The following ARHGAP44 variants were observed in gnomAD, a reference collection of about 807,000 sequenced individuals.
ARHGAP44 encodes the protein rho GTPase-activating protein 44.
Under a neutral mutation model 106.8 loss-of-function variants are expected in ARHGAP44, and 43 were observed. The observed-to-expected ratio is 0.40, with a 90% CI of 0.32 to 0.52. The LOEUF (loss-of-function observed/expected upper bound fraction) is 0.52. Among genes scored for constraint, ARHGAP44 ranks in the 20% least tolerant of loss-of-function variants. The probability of loss-of-function intolerance (pLI) is 0.48; values close to 1 mark genes in which losing one functional copy is unlikely to be tolerated. For synonymous variants in ARHGAP44, 439 were observed against 410.3 expected, an observed-to-expected ratio of 1.07 and a Z score of -0.85; for missense variants, 866 against 1,050.5, an observed-to-expected ratio of 0.82 and a Z score of 2.43.
In ARHGAP44 at chr17:12,882,159, A is replaced by G. The variant is rs144021071; in HGVS notation, c.54-12781A>G. Among the ~76,000 whole-genome samples the G allele has an allele frequency of 3.8e-3, 584 of 152,250 alleles. 3 individuals are homozygous for G. The highest frequency in any genetic ancestry group is 0.013 in the African/African-American group (537 of 41,542). ...TGTATCTCTCCATTTACCTGACTTC[A>G]TTCATGTCTTTTACTAATTTTTAAA... On this transcript the variant is annotated intron_variant, in intron 1 of 20. Transcript: ENST00000379672.
intron 7 of ARHGAP44, among the ~76,000 whole-genome samples, chr17:12,930,390 C>G (rs551614428): frequency 2.2e-4 from 34 of 152,020 alleles, no homozygotes; most frequent in Non-Finnish European, 3.4e-4. Context: ...CACACAACCA[C>G]GCTTGGCTAA....
At chr17:12,813,331 G>GCAAATCAAAAGTAAAAATAAGGAGA (rs2034494798) in intron 1 of ARHGAP44, among the ~76,000 whole-genome samples, 1 of 151,066 alleles carries the variant, frequency 6.6e-6, no homozygotes, top group Non-Finnish European at 1.5e-5. Context: ...AAGATAAAGA[G>GCAAATCAAAAGTAAAAATAAGGAGA]CAAATCAAAA....
At position 12,990,727 on chromosome 17, in the gene ARHGAP44, A is replaced by T. The variant is rs2040110636; in HGVS notation, c.*556A>T. 1 of 152,420 alleles carries T rather than the reference A, an allele frequency of 6.6e-6. No individual in the cohort carries two copies. Among genetic ancestry groups the T allele is most frequent in the African/African-American group, 2.4e-5 (1 of 41,438 alleles). The allele number at this position is 152,420 out of a possible 1,614,324, so 9.4% of individuals were successfully genotyped here. A position where few individuals can be genotyped will look rare whatever the true frequency, so the allele number is the denominator to read the frequency against. ...CCTGGGGGAGGGCTTGCCACTGGAA[A>T]ACCTTTCAGGCCGCCCCCATCAGTG... On this transcript the variant is annotated 3_prime_UTR_variant, in exon 21 of 21. Coordinates refer to ENST00000379672, the MANE Select transcript of ARHGAP44 (RefSeq NM_014859.6).
At position 12,903,138 on chromosome 17, in the gene ARHGAP44, AGAGTGTGTGTGTGTGTGTGT is replaced by A. The variant is rs2037441509; in HGVS notation, c.199-5757_199-5738del. Among the ~76,000 whole-genome samples, 79 of 94,716 alleles carry A rather than the reference AGAGTGTGTGTGTGTGTGTGT, an allele frequency of 8.3e-4. 1 individual carries two copies. The highest frequency in any genetic ancestry group is 2.9e-3 in the African/African-American group (74 of 25,240). The allele number at this position is 94,716 out of a possible 152,430, so 62.1% of individuals were successfully genotyped here. On this transcript the variant is annotated intron_variant, in intron 3 of 20. Coordinates refer to ENST00000379672, the MANE Select transcript of ARHGAP44 (RefSeq NM_014859.6). The stretch of plus-strand genomic sequence containing the variant: ...AGAGAGAGAGAGAGGAGAGAGAGAG[AGAGTGTGTGTGTGTGTGTGT>A]GTGTGTGTGTGTGTGTGTGTGTGTG...
chr17:12,821,256 GTTGTCTTCAGGTGTTTCCA>G (rs1357620559), intron 1 of ARHGAP44, among the ~76,000 whole-genome samples: 1 of 152,148 alleles, frequency 6.6e-6, no homozygotes, highest in East Asian at 1.9e-4. Flanking sequence ...TAAGGGATGT[GTTGTCTTCAGGTGTTTCCA>G]TTTACCTGGT....
At chr17:12,881,027 C>A (rs2036721642) in intron 1 of ARHGAP44, among the ~76,000 whole-genome samples, 1 of 152,050 alleles carries the variant, frequency 6.6e-6, no homozygotes, top group Non-Finnish European at 1.5e-5. Flanking sequence ...GTAATAGTTA[C>A]AATTTCCTCC....
intron 1 of ARHGAP44, among the ~76,000 whole-genome samples, chr17:12,871,305 A>C (rs1007973895): frequency 2.0e-5 from 3 of 152,150 alleles, no homozygotes; most frequent in African/African-American, 7.2e-5. Flanking sequence ...GTCTCTCATG[A>C]ATGGTTTCGC....
intron 4 of ARHGAP44, among the ~76,000 whole-genome samples, chr17:12,910,721 C>T (rs1343885504): frequency 1.3e-5 from 2 of 151,946 alleles, no homozygotes. Flanking sequence ...ACTGGGATTA[C>T]AGGAGTGCTT....
intron 1 of ARHGAP44, among the ~76,000 whole-genome samples, chr17:12,808,202 A>G (rs961398670): frequency 6.6e-6 from 1 of 152,226 alleles, no homozygotes; most frequent in African/African-American, 2.4e-5. Flanking sequence ...TTCATGGGCT[A>G]GCATTGAGTG....
chr17:12,844,416 C>T (rs4792291), intron 1 of ARHGAP44, among the ~76,000 whole-genome samples: 44,703 of 152,016 alleles, frequency 0.29, 9,766 homozygotes, highest in African/African-American at 0.61. Flanking sequence ...AACCTGCTAC[C>T]GCAATAACAA....
At chr17:12,941,899 G>C (rs1043488571) in intron 8 of ARHGAP44, among the ~76,000 whole-genome samples, 3 of 152,150 alleles carry the variant, frequency 2.0e-5, no homozygotes, top group Non-Finnish European at 4.4e-5. Flanking sequence ...GGGAATAAAA[G>C]GCTAAGACCT....
chr17:12,849,145 T>C (rs1317787061), intron 1 of ARHGAP44, among the ~76,000 whole-genome samples: 1 of 151,924 alleles, frequency 6.6e-6, no homozygotes, highest in Non-Finnish European at 1.5e-5. Flanking sequence ...TCAAAATGTA[T>C]CCATTATGTT....
chr17:12,859,256 A>G (rs1008813815), intron 1 of ARHGAP44, among the ~76,000 whole-genome samples: 1 of 152,220 alleles, frequency 6.6e-6, no homozygotes, highest in African/African-American at 2.4e-5. Flanking sequence ...GGCCTGGGAC[A>G]GATTCTCCCT....
chr17:12,845,506 CAAAAAAAA>C (rs748288660), intron 1 of ARHGAP44, among the ~76,000 whole-genome samples: 6,835 of 67,926 alleles, frequency 0.1, 258 homozygotes, highest in Non-Finnish European at 0.14. Context: ...GACTCCGTCT[CAAAAAAAA>C]AAAAAAAACA....
chr17:12,802,597 G>A (rs956313093), intron 1 of ARHGAP44, among the ~76,000 whole-genome samples: 1 of 151,910 alleles, frequency 6.6e-6, no homozygotes, highest in Non-Finnish European at 1.5e-5. Context: ...CTTGGCCCGA[G>A]GACAGGGAAG....
At chr17:12,963,351 G>GA (rs142997301) in intron 16 of ARHGAP44, among the ~76,000 whole-genome samples, 3,121 of 152,206 alleles carry the variant, frequency 0.021, 105 homozygotes, top group African/African-American at 0.071. Flanking sequence ...TGGGTCTCTG[G>GA]AGACAGTCAC....
chr17:12,857,102 AATC>A (rs2035933574), intron 1 of ARHGAP44, among the ~76,000 whole-genome samples: 1 of 152,182 alleles, frequency 6.6e-6, no homozygotes, highest in African/African-American at 2.4e-5. Context: ...CAAAGCCATT[AATC>A]ATCATACAGA....
chr17:12,820,313 A>G (rs932611234), intron 1 of ARHGAP44, among the ~76,000 whole-genome samples: 4 of 152,136 alleles, frequency 2.6e-5, no homozygotes, highest in Non-Finnish European at 4.4e-5. Context: ...GATACATATA[A>G]TACCCATATT....
chr17:12,963,339 C>T (rs1935627312), intron 16 of ARHGAP44, among the ~76,000 whole-genome samples: 1 of 151,782 alleles, frequency 6.6e-6, no homozygotes, highest in Middle Eastern at 3.2e-3. Flanking sequence ...GTAGATTCTT[C>T]CTGGGTCTCT....
Sources: allele counts gnomAD v4.1 joint callset (sites outside exome capture counted in the v4.1 genomes callset), GRCh38; gene constraint gnomAD v4.1.1; transcripts MANE v1.5; gene names NCBI Gene and HGNC (gene_info 2026-07-23, HGNC 2026-07-21).